Variants in AOPEP observed in about 807,000 individuals in gnomAD.
AOPEP encodes the protein aminopeptidase O (putative), also known as aminopeptidase O.
A neutral mutation model predicts 98.1 loss-of-function variants in AOPEP; 77 were observed. That is an observed-to-expected ratio of 0.78 (90% confidence interval 0.65 to 0.95). AOPEP has a LOEUF of 0.95. Ranked by LOEUF, AOPEP falls within the 40% of genes least tolerant of loss-of-function variation. The pLI is 0.00. For synonymous variants in AOPEP, 346 were observed against 365.3 expected, an observed-to-expected ratio of 0.95 and a Z score of 0.60; for missense variants, 1,024 against 1,024.7, an observed-to-expected ratio of 1.00 and a Z score of 0.01.
chr9:94,960,828 C>A (rs1050699970), intron 9 of AOPEP, among the ~76,000 whole-genome samples: 1 of 151,808 alleles, frequency 6.6e-6, no homozygotes, highest in Non-Finnish European at 1.5e-5. Flanking sequence ...TTGGCTAACA[C>A]GGTGAAACCC....
At chr9:94,840,173 C>T (rs932079338) in intron 5 of AOPEP, among the ~76,000 whole-genome samples, 44 of 152,200 alleles carry the variant, frequency 2.9e-4, no homozygotes, top group African/African-American at 1.0e-3. Context: ...ACAGTCCCTT[C>T]TACTCCTAAT....
chr9:94,775,750 G>A (rs1044334679), intron 3 of AOPEP, among the ~76,000 whole-genome samples: 5 of 152,198 alleles, frequency 3.3e-5, no homozygotes, highest in South Asian at 2.1e-4. Context: ...CCAGGTGGGC[G>A]GATCATGATA....
rs1487207528 is a variant in AOPEP, at chr9:94,954,353, G to A, written c.1662-824G>A. Among the ~76,000 whole-genome samples the A allele has an allele frequency of 2.6e-5, 4 of 152,272 alleles. No homozygotes were observed. The South Asian group carries it at 6.2e-4, about 24-fold the overall frequency. ...GGAAAAAAAAGACTTTGAGTGGACCGTGACTATCCAGTCCAATCTTTTGGC... is the reference window on the plus strand; with the variant it reads ...GGAAAAAAAAGACTTTGAGTGGACCATGACTATCCAGTCCAATCTTTTGGC... On this transcript the variant is annotated intron_variant, in intron 7 of 16. Coordinates refer to ENST00000375315, the MANE Select transcript of AOPEP (RefSeq NM_001193329.3).
At chr9:94,895,356 T>C (rs1178524207) in intron 5 of AOPEP, among the ~76,000 whole-genome samples, 1 of 146,266 alleles carries the variant, frequency 6.8e-6, no homozygotes, top group African/African-American at 2.6e-5. Flanking sequence ...GCTGTGGTCA[T>C]GCCACTGCAC....
chr9:94,997,283 G>A (rs1243068591), intron 11 of AOPEP, among the ~76,000 whole-genome samples: 1 of 152,188 alleles, frequency 6.6e-6, no homozygotes, highest in East Asian at 1.9e-4. Context: ...GCTGCAGGAA[G>A]TGACTCCTGG....
At chr9:94,738,872 A>G (rs1564040898) in intron 1 of AOPEP, among the ~76,000 whole-genome samples, 3 of 152,172 alleles carry the variant, frequency 2.0e-5, no homozygotes, top group Non-Finnish European at 2.9e-5. Context: ...CTGTGCCCCA[A>G]GAGAAAAATA....
chr9:94,992,482 A>C (rs2060955058), intron 11 of AOPEP, among the ~76,000 whole-genome samples: 1 of 152,242 alleles, frequency 6.6e-6, no homozygotes, highest in Non-Finnish European at 1.5e-5. Context: ...GTTAATCAGC[A>C]AGATTGGAGG....
chr9:94,773,515 GATTTGTT>G (rs1841352749), intron 3 of AOPEP, among the ~76,000 whole-genome samples: 1 of 152,142 alleles, frequency 6.6e-6, no homozygotes, highest in South Asian at 2.1e-4. Context: ...AGTTGTCTGT[GATTTGTT>G]ATGGTGTCTG....
chr9:95,126,787 C>T, the AOPEP span: 4 of 580,272 alleles, frequency 6.9e-6, no homozygotes, highest in African/African-American at 1.9e-5. Flanking sequence ...GGGTTACAGG[C>T]AGCTTATTCC....
chr9:94,920,835 T>TA (rs1182210709), intron 5 of AOPEP, among the ~76,000 whole-genome samples: 2 of 152,152 alleles, frequency 1.3e-5, no homozygotes, highest in African/African-American at 2.4e-5. Context: ...AGACATGCAA[T>TA]ACGCTTGGCC....
At chr9:95,075,631 A>G (rs780909133) in intron 14 of AOPEP, among the ~76,000 whole-genome samples, 5 of 152,208 alleles carry the variant, frequency 3.3e-5, no homozygotes, top group Non-Finnish European at 7.3e-5. Flanking sequence ...TATAATCCCA[A>G]CACTTTCGGA....
intron 13 of AOPEP, among the ~76,000 whole-genome samples, chr9:95,015,476 T>C (rs953339215): frequency 2.0e-5 from 3 of 152,234 alleles, no homozygotes; most frequent in African/African-American, 4.8e-5. Flanking sequence ...CAATTTTTAT[T>C]TGATGTTCAC....
At chr9:94,978,664 T>A (rs1023225318) in intron 10 of AOPEP, among the ~76,000 whole-genome samples, 10 of 152,138 alleles carry the variant, frequency 6.6e-5, no homozygotes, top group Admixed American at 4.6e-4. Flanking sequence ...GGGTGTGCTT[T>A]AAGCTGCATT....
At chr9:94,744,698 T>G (rs995247804) in intron 1 of AOPEP, among the ~76,000 whole-genome samples, 1 of 113,190 alleles carries the variant, frequency 8.8e-6, no homozygotes, top group Non-Finnish European at 1.7e-5. Context: ...TGAGACTCTG[T>G]CTCAAAAAAA....
intron 13 of AOPEP, among the ~76,000 whole-genome samples, chr9:95,039,559 T>G (rs2065113796): frequency 1.3e-5 from 2 of 152,102 alleles, no homozygotes; most frequent in Non-Finnish European, 1.5e-5. Context: ...GGTGACAGAG[T>G]GAGACCCTGT....
At position 94,972,001 on chromosome 9, in the gene AOPEP, G is replaced by A. The variant is rs932418116; in HGVS notation, c.1916+4200G>A. Among the ~76,000 whole-genome samples the A allele has an allele frequency of 6.6e-6, 1 of 152,138 alleles. No individual in the cohort carries two copies. Among genetic ancestry groups the A allele is most frequent in the Non-Finnish European group, 1.5e-5 (1 of 68,042 alleles). On this transcript the variant is annotated intron_variant, in intron 10 of 16. Coordinates refer to ENST00000375315, the MANE Select transcript of AOPEP (RefSeq NM_001193329.3). This position sits in a 1 kb window ranked among gnomAD's most constrained non-coding sequence, Gnocchi z 4.2. ...GACACCTGCCGAGGGCAGTGTGGCC[G>A]AGGGCAGTGTGGCAGAGAGATGGGG...
At chr9:94,887,983 G>A (rs2048424312) in intron 5 of AOPEP, among the ~76,000 whole-genome samples, 1 of 152,072 alleles carries the variant, frequency 6.6e-6, no homozygotes, top group African/African-American at 2.4e-5. Flanking sequence ...CCAAGTATAA[G>A]GCCATTGTTT....
chr9:95,064,204 C>T (rs897782778), intron 14 of AOPEP, among the ~76,000 whole-genome samples: 2 of 152,246 alleles, frequency 1.3e-5, no homozygotes, highest in Non-Finnish European at 1.5e-5. Flanking sequence ...ATGGAAAAAA[C>T]GACCAGCGTC....
intron 13 of AOPEP, among the ~76,000 whole-genome samples, chr9:95,032,646 C>T (rs2064420407): frequency 6.6e-6 from 1 of 152,218 alleles, no homozygotes. Context: ...CACAAAACCT[C>T]ACTTTGGAAT....
Sources: gnomAD v4.1 joint callset for allele counts (sites outside exome capture counted in the v4.1 genomes callset) on GRCh38, gnomAD v4.1.1 for gene constraint, Gnocchi (gnomAD v3.1) non-coding constraint, MANE v1.5 for transcripts, NCBI Gene and HGNC (gene_info 2026-07-23, HGNC 2026-07-21) for gene names.